HSPA12A: variants seen among roughly 807,000 people sequenced by gnomAD.
The protein encoded by HSPA12A is heat shock 70 kDa protein 12A.
Under a neutral mutation model 69.2 loss-of-function variants are expected in HSPA12A, and 28 were observed. That is an observed-to-expected ratio of 0.40 (90% CI 0.30 to 0.55). The LOEUF (loss-of-function observed/expected upper bound fraction) is 0.55. Among genes scored for constraint, HSPA12A ranks in the 20% least tolerant of loss-of-function variants. The probability of loss-of-function intolerance (pLI) is 0.38; values close to 1 mark genes in which losing one functional copy is unlikely to be tolerated. For missense variants in HSPA12A, 686 were observed against 900.7 expected (o/e 0.76, Z 3.05); for synonymous variants, 345 against 370.5 (o/e 0.93, Z 0.79).
chr10:116,738,650 G>A lies in HSPA12A; in HGVS notation c.40+3780C>T, dbSNP rs1294151595. On this transcript the variant is annotated intron_variant, in intron 1 of 11. Coordinates refer to ENST00000369209, the MANE Select transcript of HSPA12A (RefSeq NM_025015.3). ...CGTAGGGCCTCAACAAACACTAGTTGGAATTATCAACCATTAAGTACCGAA... is the reference window on the plus strand; with the variant it reads ...CGTAGGGCCTCAACAAACACTAGTTAGAATTATCAACCATTAAGTACCGAA... Among the ~76,000 whole-genome samples, 6 of 152,242 alleles carry A rather than the reference G, an allele frequency of 3.9e-5. No homozygotes were observed. The East Asian group carries it at 1.2e-3, about 29-fold the overall frequency.
intron 6 of HSPA12A, among the ~76,000 whole-genome samples, chr10:116,690,523 C>T (rs1374403718): frequency 6.6e-6 from 1 of 152,234 alleles, no homozygotes; most frequent in Non-Finnish European, 1.5e-5. Context: ...TGCAAAAACA[C>T]TGTACCAAAG....
chr10:116,836,563 G>A (rs1043208944), intron 1 of HSPA12A, among the ~76,000 whole-genome samples: 1 of 152,072 alleles, frequency 6.6e-6, no homozygotes, highest in Non-Finnish European at 1.5e-5. Context: ...CTACTTCCCT[G>A]GCTGAAAATG....
At chr10:116,699,873 G>C (rs10787714) in intron 4 of HSPA12A, among the ~76,000 whole-genome samples, 1 of 152,140 alleles carries the variant, frequency 6.6e-6, no homozygotes, top group Non-Finnish European at 1.5e-5. Context: ...GGACAACCAC[G>C]CCGATGGGCA....
Position 116,684,073 on chromosome 10 carries a change from C to T in HSPA12A, c.664-111G>A, listed in dbSNP as rs1554879166. ...AGGAGGGCGCACTCGTGCTCTGCAT[C>T]TGTGGGACATTCTCTACACAGTCCT... On this transcript the variant is annotated intron_variant, in intron 6 of 11. Coordinates refer to ENST00000369209, the MANE Select transcript of HSPA12A (RefSeq NM_025015.3). 5 of 882,774 alleles carry T rather than the reference C, an allele frequency of 5.7e-6. No homozygotes were observed. In the South Asian group the frequency reaches 9.0e-5, roughly 16 times the overall value. 54.7% of individuals were successfully genotyped at this position (882,774 alleles called of 1,614,324 possible).
Position 116,710,930 on chromosome 10 carries a change from C to G in HSPA12A, c.41-3645G>C, listed in dbSNP as rs190187055. Among the ~76,000 whole-genome samples the G allele has an allele frequency of 1.3e-5, 2 of 152,256 alleles. No homozygotes were observed. ...AAAAAACGGAAAAGCCTATCTCACC[C>G]CCTGAGGAGAATGGGGAGTTTAATT... On this transcript the variant is annotated intron_variant, in intron 1 of 11. Transcript: ENST00000369209. The surrounding 1 kb of genome is among the most constrained non-coding windows in gnomAD (Gnocchi z 4.1).
intron 2 of HSPA12A, among the ~76,000 whole-genome samples, chr10:116,757,265 G>A (rs1414298955): frequency 4.6e-5 from 7 of 152,136 alleles, no homozygotes; most frequent in African/African-American, 2.4e-5. Flanking sequence ...TTAGTGTTAC[G>A]GATTTTGCCT....
intron 2 of HSPA12A, among the ~76,000 whole-genome samples, chr10:116,784,546 G>A (rs996398472): frequency 3.3e-5 from 5 of 152,204 alleles, no homozygotes; most frequent in Admixed American, 2.6e-4. Context: ...AAGGTTTGTT[G>A]AGGGAATGAA....
chr10:116,712,182 C>T (rs11197801), intron 1 of HSPA12A, among the ~76,000 whole-genome samples: 87,061 of 152,090 alleles, frequency 0.57, 25,418 homozygotes, highest in South Asian at 0.71. Flanking sequence ...TTCAGTCTTG[C>T]AGAGCTAGTG....
Position 116,679,401 on chromosome 10 carries a change from T to C in HSPA12A, c.1286+102A>G, listed in dbSNP as rs1393146878. On this transcript the variant is annotated intron_variant, in intron 10 of 11. Transcript: ENST00000369209. ...CCCTTGCCCAAGGTCATACAGCAAG[T>C]GTGTAGGATTGGAACCCGAAGTCCA... 22 of 1,400,182 alleles carry C rather than the reference T, an allele frequency of 1.6e-5. No homozygotes were observed. The African/African-American group carries it at 2.4e-4, about 15-fold the overall frequency. The allele number at this position is 1,400,182 out of a possible 1,614,324, so 86.7% of individuals were successfully genotyped here.
At chr10:116,849,722 C>T (rs1484920478) in exon 1 of HSPA12A, 7 of 1,523,174 alleles carry the variant, frequency 4.6e-6, no homozygotes, top group Non-Finnish European at 5.3e-6. Context: ...CCGACGTCTA[C>T]GGGCACCTGG....
rs141895006 is a variant in HSPA12A at position 116,799,170 on chromosome 10, C to T, written c.91+35765G>A. On this transcript the variant is annotated intron_variant, in intron 2 of 12. Coordinates refer to the HSPA12A transcript ENST00000635765. ...GACTGGCTTTGCCCTGATCCTCAGGCAACTGGCCAGCCCTGAGCCTTGGCC... is the reference window on the plus strand; with the variant it reads ...GACTGGCTTTGCCCTGATCCTCAGGTAACTGGCCAGCCCTGAGCCTTGGCC... 2.6e-5 allele frequency among the ~76,000 whole-genome samples: 4 copies of T among 152,264 alleles called. No individual in the cohort carries two copies. The East Asian group carries it at 7.8e-4, about 30-fold the overall frequency.
intron 1 of HSPA12A, among the ~76,000 whole-genome samples, chr10:116,741,097 A>G (rs1851490402): frequency 6.6e-6 from 1 of 151,580 alleles, no homozygotes; most frequent in Admixed American, 6.6e-5. Flanking sequence ...GTGTTTGGGG[A>G]CGGCCTGGGC....
intron 2 of HSPA12A, 47 bp downstream of exon 2, chr10:116,707,143 ACCCATGCGCG>A: frequency 7.7e-7 from 1 of 1,305,358 alleles, no homozygotes; most frequent in South Asian, 1.4e-5. Context: ...GCTCATGCGC[ACCCATGCGCG>A]CACACACACA....
chr10:116,704,071 A>G (rs1220130682), intron 3 of HSPA12A, among the ~76,000 whole-genome samples: 1 of 152,244 alleles, frequency 6.6e-6, no homozygotes, highest in African/African-American at 2.4e-5. Context: ...TCAGGGATCT[A>G]GAACTAGAAA....
In HSPA12A at chr10:116,764,922, C is replaced by A. The variant is rs1480330072; in HGVS notation, c.92-57637G>T. 3.3e-5 allele frequency among the ~76,000 whole-genome samples: 5 copies of A among 152,236 alleles called. No homozygotes were observed. The South Asian group carries it at 6.2e-4, about 19-fold the overall frequency. ...AATGATAAAAAGAACACAAAGAAAT[C>A]TTGAACTTCATTTAGCAGGCTTGTT... is the stretch of plus-strand genomic sequence containing the variant. On this transcript the variant is annotated intron_variant, in intron 2 of 12. Coordinates refer to the HSPA12A transcript ENST00000635765.
rs1589696820 is a variant in HSPA12A at position 116,772,563 on chromosome 10, C to T, written c.91+62372G>A. On this transcript the variant is annotated intron_variant, in intron 2 of 12. Transcript: ENST00000635765. ...AAATCACAACTTGAAGGCACGAGAGCAAATGAGGCCCGAAGCTGTCTGGCT... is the reference window on the plus strand; with the variant it reads ...AAATCACAACTTGAAGGCACGAGAGTAAATGAGGCCCGAAGCTGTCTGGCT... Among the ~76,000 whole-genome samples the T allele has an allele frequency of 2.0e-5, 3 of 152,334 alleles. No individual in the cohort carries two copies. In the South Asian group the frequency reaches 6.2e-4, roughly 32 times the overall value.
intron 1 of HSPA12A, 22 bp from the exon 2 acceptor site, chr10:116,707,307 C>T (rs1554882616): frequency 6.3e-7 from 1 of 1,589,240 alleles, no homozygotes; most frequent in Non-Finnish European, 8.6e-7. Context: ...AACAAAGCCG[C>T]CTCCTTAGAA....
At chr10:116,757,976 A>G (rs1271028320) in intron 2 of HSPA12A, among the ~76,000 whole-genome samples, 2 of 152,244 alleles carry the variant, frequency 1.3e-5, no homozygotes, top group Admixed American at 1.3e-4. Flanking sequence ...TAGCCTCTGC[A>G]TAGTAAGATG....
intron 2 of HSPA12A, among the ~76,000 whole-genome samples, chr10:116,819,137 C>T (rs1845363153): frequency 6.6e-6 from 1 of 152,176 alleles, no homozygotes; most frequent in South Asian, 2.1e-4. Flanking sequence ...TGACACCCTG[C>T]TTATTCACTG....
Sources: gnomAD v4.1 joint callset for allele counts (sites outside exome capture counted in the v4.1 genomes callset) on GRCh38, gnomAD v4.1.1 for gene constraint, Gnocchi (gnomAD v3.1) non-coding constraint, MANE v1.5 for transcripts, NCBI Gene and HGNC (gene_info 2026-07-23, HGNC 2026-07-21) for gene names.